DPYD: variants seen among roughly 807,000 people sequenced by gnomAD.
DPYD encodes dihydropyrimidine dehydrogenase [NADP(+)].
A neutral mutation model predicts 116.2 loss-of-function variants in DPYD; 109 were observed. The ratio of observed to expected loss-of-function variants is 0.94; its 90% CI spans 0.80 to 1.10. DPYD has a LOEUF of 1.10. Ranked by LOEUF, DPYD falls within the 50% of genes least tolerant of loss-of-function variation. DPYD has a pLI of 0.00. For missense variants in DPYD, 1,302 were observed against 1,254.5 expected (o/e 1.04, Z -0.57); for synonymous variants, 440 against 432.0 (o/e 1.02, Z -0.23).
chr1:97,248,753 T>C (rs926474526), intron 18 of DPYD, among the ~76,000 whole-genome samples: 5 of 152,142 alleles, frequency 3.3e-5, no homozygotes, highest in African/African-American at 1.2e-4. Flanking sequence ...TCAGACTTTA[T>C]GTTAAAAAAT....
chr1:97,644,378 T>C (rs936298712), intron 8 of DPYD, among the ~76,000 whole-genome samples: 10 of 152,138 alleles, frequency 6.6e-5, no homozygotes, highest in Non-Finnish European at 1.5e-4. Context: ...TGCAAATAAT[T>C]TGAGTATATA....
At position 97,166,081 on chromosome 1, in the gene DPYD, A is replaced by G. The variant is rs145180011; in HGVS notation, c.2622+26988T>C. Among the ~76,000 whole-genome samples, 7 of 152,338 alleles carry G rather than the reference A, an allele frequency of 4.6e-5. No individual in the cohort carries two copies. The East Asian group carries it at 1.4e-3, about 29-fold the overall frequency. ...CCAGCAATCCCATTACTGGGTTTAT[A>G]CCCAAAAGAATATAAATTATTCTAC... On this transcript the variant is annotated intron_variant, in intron 20 of 22. Transcript: ENST00000370192.
At chr1:97,899,324 G>A (rs1161961777) in intron 1 of DPYD, among the ~76,000 whole-genome samples, 1 of 151,836 alleles carries the variant, frequency 6.6e-6, no homozygotes, top group Non-Finnish European at 1.5e-5. Context: ...CTCTTCACAT[G>A]TTGTCACACA....
intron 13 of DPYD, chr1:97,514,169 A>T: frequency 1.0e-6 from 1 of 982,120 alleles, no homozygotes; most frequent in African/African-American, 1.7e-5. Flanking sequence ...GAAGGAAGTT[A>T]GCTTCCACAT....
intron 20 of DPYD, among the ~76,000 whole-genome samples, chr1:97,145,654 G>A (rs1654562008): frequency 6.6e-6 from 1 of 151,416 alleles, no homozygotes; most frequent in Non-Finnish European, 1.5e-5. Context: ...GCCAGTCAAA[G>A]ATCACTGTAA....
chr1:97,574,058 G>T, intron 10 of DPYD, 88 bp from the exon 11 acceptor site: 1 of 1,555,054 alleles, frequency 6.4e-7, no homozygotes, highest in Non-Finnish European at 8.7e-7. Flanking sequence ...ACATGCTAAA[G>T]CTTATGATAT....
chr1:97,658,457 C>T (rs1659066646), intron 8 of DPYD, among the ~76,000 whole-genome samples: 1 of 152,102 alleles, frequency 6.6e-6, no homozygotes, highest in Non-Finnish European at 1.5e-5. Context: ...ATTGAAAACA[C>T]TAAGCCACAT....
In DPYD at chr1:97,125,086, A is replaced by G. The variant is rs575488994; in HGVS notation, c.2623-26454T>C. On this transcript the variant is annotated intron_variant, in intron 20 of 22. Coordinates refer to ENST00000370192, the MANE Select transcript of DPYD (RefSeq NM_000110.4). ...AAAAGGCTTAAAGGATTCTTTTTAG[A>G]TAAACTAACAAGTGGGGAAGAAATA... 5.1e-4 allele frequency among the ~76,000 whole-genome samples: 77 copies of G among 152,280 alleles called. No individual in the cohort carries two copies. In the South Asian group the frequency reaches 7.9e-3, roughly 16 times the overall value.
intron 8 of DPYD, among the ~76,000 whole-genome samples, chr1:97,654,176 T>C (rs1571135914): frequency 6.6e-6 from 1 of 152,180 alleles, no homozygotes; most frequent in African/African-American, 2.4e-5. Flanking sequence ...AAATATACAC[T>C]GTCCTGCTTC....
chr1:97,601,528 G>C (rs760298343), intron 8 of DPYD, among the ~76,000 whole-genome samples: 1 of 151,940 alleles, frequency 6.6e-6, no homozygotes, highest in Non-Finnish European at 1.5e-5. Flanking sequence ...TCAAGCCCAA[G>C]CAGTTGAGAT....
intron 1 of DPYD, among the ~76,000 whole-genome samples, chr1:97,911,199 T>C (rs1298923171): frequency 6.6e-6 from 1 of 152,050 alleles, no homozygotes; most frequent in East Asian, 1.9e-4. Flanking sequence ...ATCCTTAAAG[T>C]AGTCATACCT....
chr1:97,577,164 T>A (rs920875088), intron 10 of DPYD, among the ~76,000 whole-genome samples: 1 of 152,206 alleles, frequency 6.6e-6, no homozygotes, highest in South Asian at 2.1e-4. Context: ...AGCTGGACTT[T>A]GTTATAGCAG....
At chr1:97,720,897 A>G in intron 5 of DPYD, 1 of 1,609,870 alleles carries the variant, frequency 6.2e-7, no homozygotes, top group Non-Finnish European at 8.5e-7. Flanking sequence ...TTTACAAATG[A>G]TTCATTAAAG....
intron 18 of DPYD, among the ~76,000 whole-genome samples, chr1:97,248,645 A>T (rs914025128): frequency 5.1e-4 from 78 of 152,290 alleles, no homozygotes; most frequent in African/African-American, 1.9e-3. Context: ...TACACAGGAA[A>T]ATCTGAAATC....
chr1:97,448,913 G>A (rs1034175862), intron 14 of DPYD, among the ~76,000 whole-genome samples: 5 of 151,586 alleles, frequency 3.3e-5, no homozygotes, highest in Admixed American at 6.6e-5. Flanking sequence ...TTTATTTCAC[G>A]TATTTTATTT....
chr1:97,578,030 G>C (rs956685628), intron 10 of DPYD, among the ~76,000 whole-genome samples: 20 of 151,886 alleles, frequency 1.3e-4, no homozygotes, highest in Non-Finnish European at 2.9e-4. Flanking sequence ...ATTTTTAGTA[G>C]AGACGGGGTT....
At chr1:97,795,780 T>A (rs531981693) in intron 3 of DPYD, among the ~76,000 whole-genome samples, 2 of 152,134 alleles carry the variant, frequency 1.3e-5, no homozygotes, top group African/African-American at 4.8e-5. Context: ...ACTCATTCTC[T>A]GGAAAATTTC....
At chr1:97,102,631 A>C (rs935536109) in intron 20 of DPYD, among the ~76,000 whole-genome samples, 11 of 151,516 alleles carry the variant, frequency 7.3e-5, no homozygotes, top group Non-Finnish European at 1.0e-4. Flanking sequence ...ACATAGCTCT[A>C]TTATTTATCA....
intron 16 of DPYD, among the ~76,000 whole-genome samples, chr1:97,335,350 C>G (rs946537665): frequency 4.9e-5 from 7 of 143,076 alleles, no homozygotes; most frequent in Admixed American, 2.8e-4. Flanking sequence ...ACACACGATG[C>G]CTGGGATCCA....
Sources: gnomAD v4.1 joint callset for allele counts (sites outside exome capture counted in the v4.1 genomes callset) on GRCh38, gnomAD v4.1.1 for gene constraint, MANE v1.5 for transcripts, NCBI Gene and HGNC (gene_info 2026-07-23, HGNC 2026-07-21) for gene names.